The following SCIN variants were observed in gnomAD, a reference collection of about 807,000 sequenced individuals.
The protein encoded by SCIN is adseverin.
A neutral mutation model predicts 91.8 loss-of-function variants in SCIN; 91 were observed. That is an observed-to-expected ratio of 0.99 (90% CI 0.84 to 1.18). SCIN has a LOEUF of 1.18. Ranked by LOEUF, SCIN falls within the 50% of genes most tolerant of loss-of-function variation. The pLI is 0.00. For missense variants in SCIN, 1,087 were observed against 863.9 expected, an observed-to-expected ratio of 1.26 and a Z score of -3.24; for synonymous variants, 367 against 312.6, an observed-to-expected ratio of 1.17 and a Z score of -1.84.
intron 8 of SCIN, among the ~76,000 whole-genome samples, chr7:12,627,667 G>A (rs563464140): frequency 2.3e-4 from 35 of 152,344 alleles, no homozygotes; most frequent in African/African-American, 7.9e-4. Flanking sequence ...AGAGTGGGAA[G>A]TGCCAAGGGA....
chr7:12,607,390 C>G (rs1229309314), intron 4 of SCIN, among the ~76,000 whole-genome samples: 5 of 152,104 alleles, frequency 3.3e-5, no homozygotes, highest in Admixed American at 2.0e-4. Context: ...GGTGTCCTGG[C>G]TTATTGGATT....
chr7:12,602,002 A>G (rs753577466), intron 3 of SCIN, among the ~76,000 whole-genome samples: 29 of 152,168 alleles, frequency 1.9e-4, no homozygotes, highest in Admixed American at 1.8e-3. Context: ...AGAACATGAG[A>G]TTCTTAATCT....
At chr7:12,582,179 G>A (rs1224972989) in intron 3 of SCIN, among the ~76,000 whole-genome samples, 4 of 152,274 alleles carry the variant, frequency 2.6e-5, no homozygotes, top group South Asian at 2.1e-4. Flanking sequence ...AATGGTGAAG[G>A]CAGGATTAGA....
At chr7:12,636,014 A>G (rs770595425) in intron 9 of SCIN, 31 bp from the exon 10 acceptor site, 3 of 1,550,296 alleles carry the variant, frequency 1.9e-6, no homozygotes, top group African/African-American at 1.4e-5. Flanking sequence ...ACTTAAAGGC[A>G]AGCTAATTCG....
At chr7:12,594,217 A>G (rs903915147) in intron 3 of SCIN, among the ~76,000 whole-genome samples, 1 of 151,970 alleles carries the variant, frequency 6.6e-6, no homozygotes, top group African/African-American at 2.4e-5. Flanking sequence ...GAGCAGGGAC[A>G]TACGGTGGAG....
At chr7:12,645,244 A>C (rs1177567597) in intron 13 of SCIN, among the ~76,000 whole-genome samples, 1 of 152,004 alleles carries the variant, frequency 6.6e-6, no homozygotes, top group African/African-American at 2.4e-5. Context: ...TCTTGAACCC[A>C]GGAGGCGGAG....
At chr7:12,590,467 G>A (rs1046323672) in intron 3 of SCIN, among the ~76,000 whole-genome samples, 9 of 152,222 alleles carry the variant, frequency 5.9e-5, no homozygotes, top group Admixed American at 1.3e-4. Context: ...GTATGGGGGC[G>A]CACACTGATA....
intron 11 of SCIN, among the ~76,000 whole-genome samples, chr7:12,643,039 C>T (rs562434218): frequency 1.6e-4 from 25 of 152,288 alleles, no homozygotes; most frequent in African/African-American, 4.1e-4. Context: ...ACATTATCTA[C>T]GGGCATTCTC....
intron 5 of SCIN, among the ~76,000 whole-genome samples, chr7:12,623,277 A>G (rs536033684): frequency 1.7e-4 from 26 of 152,258 alleles, no homozygotes; most frequent in African/African-American, 5.1e-4. Flanking sequence ...TATTTAAAAC[A>G]TTGTCTTTAG....
rs931642278 is a variant in SCIN at position 12,600,421 on chromosome 7, G to A, written c.517-4093G>A. Among the ~76,000 whole-genome samples, 27 of 152,070 alleles carry A rather than the reference G, an allele frequency of 1.8e-4. 1 individual carries two copies. Among genetic ancestry groups the A allele is most frequent in the Non-Finnish European group, 2.6e-4 (18 of 68,012 alleles). On this transcript the variant is annotated intron_variant, in intron 3 of 15. Coordinates refer to ENST00000297029, the MANE Select transcript of SCIN (RefSeq NM_001112706.3). The stretch of plus-strand genomic sequence containing the variant: ...AGTGTAAACTGCTCGGGTGATGGGA[G>A]CACCAAAATCTCAGAAATCACCACT...
chr7:12,604,551 A>G lies in SCIN; in HGVS notation c.554A>G (p.Tyr185Cys). The G allele has an allele frequency of 4.5e-6, 7 of 1,551,840 alleles. No homozygotes were observed. The highest frequency in any genetic ancestry group is 6.1e-6 in the Non-Finnish European group (7 of 1,147,022). The change falls in exon 4 of 16, where the codon TAT becomes TGT. Residue 185 changes from tyrosine to cysteine, a missense_variant. Transcript: ENST00000297029. ...TGGTGTGGTTCCTCGTGCAACAAATATGAACGTCTGAAGGCAAACCAGGTA... is the reference window on the plus strand; with the variant it reads ...TGGTGTGGTTCCTCGTGCAACAAATGTGAACGTCTGAAGGCAAACCAGGTA... ...YQWCGSSCNK[Y>C]ERLKANQVAT... is the part of the protein sequence containing the mutation.
chr7:12,582,038 A>G (rs749087261), intron 3 of SCIN, among the ~76,000 whole-genome samples: 1 of 152,172 alleles, frequency 6.6e-6, no homozygotes, highest in African/African-American at 2.4e-5. Flanking sequence ...CACACCATAC[A>G]TCTCAACATT....
rs968155347 is a variant in SCIN at position 12,651,669 on chromosome 7, T to C, written c.1960-172T>C. Among the ~76,000 whole-genome samples, 6 of 152,114 alleles carry C rather than the reference T, an allele frequency of 3.9e-5. No individual in the cohort carries two copies. Among genetic ancestry groups the C allele is most frequent in the African/African-American group, 1.2e-4 (5 of 41,398 alleles). The stretch of plus-strand genomic sequence containing the variant: ...AGATTTAGGTGTCTCCTGATGAGTG[T>C]GAACACTGGGAAAGTGATGGTACCT... On this transcript the variant is annotated intron_variant, in intron 14 of 15. Transcript: ENST00000297029. This position sits in a 1 kb window ranked among gnomAD's most constrained non-coding sequence, Gnocchi z 5.9.
At position 12,657,772 on chromosome 7, in the gene SCIN, T is replaced by C. The variant is rs538695868; in HGVS notation, c.*5057T>C. 6 of 151,406 alleles carry C rather than the reference T, an allele frequency of 4.0e-5. No individual in the cohort carries two copies. The South Asian group carries it at 1.3e-3, about 32-fold the overall frequency. 9.4% of individuals were successfully genotyped at this position (151,406 alleles called of 1,614,324 possible). On this transcript the variant is annotated 3_prime_UTR_variant, in exon 16 of 16. Coordinates refer to ENST00000297029, the MANE Select transcript of SCIN (RefSeq NM_001112706.3). ...ATTATTTGACAACATCAGTCCCTTATTAAGATGTTATTTCTAGTTTATAAT... is the reference window on the plus strand; with the variant it reads ...ATTATTTGACAACATCAGTCCCTTACTAAGATGTTATTTCTAGTTTATAAT...
At chr7:12,577,125 A>G (rs1322543081) in intron 1 of SCIN, among the ~76,000 whole-genome samples, 4 of 152,178 alleles carry the variant, frequency 2.6e-5, no homozygotes, top group Admixed American at 2.6e-4. Flanking sequence ...TATGTAAAAT[A>G]CCTGGAACAA....
At chr7:12,571,810 G>A (rs1020767195) in intron 1 of SCIN, among the ~76,000 whole-genome samples, 2 of 152,184 alleles carry the variant, frequency 1.3e-5, no homozygotes, top group African/African-American at 4.8e-5. Context: ...AGGCTGTCAG[G>A]ACACTGGGCC....
At chr7:12,603,123 G>A (rs553442068) in intron 3 of SCIN, among the ~76,000 whole-genome samples, 1 of 151,996 alleles carries the variant, frequency 6.6e-6, no homozygotes, top group East Asian at 1.9e-4. Flanking sequence ...CCTATAAATG[G>A]AATTTCTTGT....
rs185699934 is a variant in SCIN at position 12,608,850 on chromosome 7, T to G, written c.666+4187T>G. On this transcript the variant is annotated intron_variant, in intron 4 of 15. Transcript: ENST00000297029. ...TTATTAACTTTAAAAGCTTTGAAAG[T>G]CTCTCTATGTGAAAGTTAGAAATGG... Among the ~76,000 whole-genome samples, 943 of 152,276 alleles carry G rather than the reference T, an allele frequency of 6.2e-3. 4 individuals are homozygous for G. Among genetic ancestry groups the G allele is most frequent in the Non-Finnish European group, 0.01 (697 of 68,026 alleles).
intron 1 of SCIN, chr7:12,577,862 A>C: frequency 3.7e-6 from 2 of 534,404 alleles, no homozygotes; most frequent in South Asian, 5.3e-5. Context: ...TCTCAAAAAA[A>C]AAAAAAATAG....
Sources: allele counts gnomAD v4.1 joint callset (sites outside exome capture counted in the v4.1 genomes callset), GRCh38; gene constraint gnomAD v4.1.1; non-coding constraint Gnocchi (gnomAD v3.1); transcripts MANE v1.5; gene names NCBI Gene and HGNC (gene_info 2026-07-23, HGNC 2026-07-21).